The following MYO9A variants were observed in gnomAD, a reference collection of about 807,000 sequenced individuals.
The protein encoded by MYO9A is myosin IXA.
In MYO9A, 103 loss-of-function variants were observed where a neutral mutation model predicts 293.3. That is an observed-to-expected ratio of 0.35 (90% confidence interval 0.30 to 0.41). The LOEUF is 0.41. Among genes scored for constraint, MYO9A ranks in the 10% least tolerant of loss-of-function variants. The pLI is 1.00. For synonymous variants in MYO9A, 1,001 were observed against 1,035.7 expected, an observed-to-expected ratio of 0.97 and a Z score of 0.64; for missense variants, 2,685 against 3,033.0, an observed-to-expected ratio of 0.89 and a Z score of 2.69.
chr15:72,068,897 T>C (rs1304883714), intron 1 of MYO9A, among the ~76,000 whole-genome samples: 1 of 152,148 alleles, frequency 6.6e-6, no homozygotes, highest in Non-Finnish European at 1.5e-5. Flanking sequence ...TTTTAATCAT[T>C]CCATCCTCAT....
At position 71,832,300 on chromosome 15, in the gene MYO9A, G is replaced by A. The variant is rs116277503; in HGVS notation, c.6838-1989C>T. Among the ~76,000 whole-genome samples, 857 of 151,980 alleles carry A rather than the reference G, an allele frequency of 5.6e-3. 12 individuals carry two copies. The highest frequency in any genetic ancestry group is 0.02 in the African/African-American group (811 of 41,442). ...GATCCTATAGAATAAATATTGAAGA[G>A]ATCATGGCAGAGAATTTTTTAAAAG... On this transcript the variant is annotated intron_variant, in intron 39 of 41. Coordinates refer to ENST00000356056, the MANE Select transcript of MYO9A (RefSeq NM_006901.4).
At chr15:71,993,506 AAAT>A in intron 10 of MYO9A, among the ~76,000 whole-genome samples, 1 of 152,224 alleles carries the variant, frequency 6.6e-6, no homozygotes, top group East Asian at 1.9e-4. Context: ...CTATCATTAA[AAAT>A]AATGCAATAA....
chr15:71,969,175 C>T (rs993524399), intron 12 of MYO9A, among the ~76,000 whole-genome samples: 11 of 152,128 alleles, frequency 7.2e-5, no homozygotes, highest in African/African-American at 2.4e-4. Context: ...AAACATCTGG[C>T]AACCGCAGGC....
chr15:71,938,192 T>C (rs1318772680), intron 16 of MYO9A, among the ~76,000 whole-genome samples: 2 of 152,128 alleles, frequency 1.3e-5, no homozygotes, highest in African/African-American at 2.4e-5. Context: ...AAATGATCAA[T>C]GAAGTTATAC....
intron 11 of MYO9A, among the ~76,000 whole-genome samples, chr15:71,983,693 G>A (rs958026015): frequency 6.6e-6 from 1 of 151,054 alleles, no homozygotes; most frequent in African/African-American, 2.4e-5. Flanking sequence ...ATGTTGGCCA[G>A]GCTGGTCTCA....
chr15:72,101,755 C>T (rs2080340342), intron 1 of MYO9A, among the ~76,000 whole-genome samples: 2 of 144,652 alleles, frequency 1.4e-5, no homozygotes, highest in Admixed American at 6.9e-5. Flanking sequence ...TCTGCCCGGC[C>T]GCCCCTACTG....
rs189316417 is a variant in MYO9A at position 72,109,110 on chromosome 15, G to A, written c.-72+8570C>T. Among the ~76,000 whole-genome samples the A allele has an allele frequency of 5.7e-3, 859 of 152,032 alleles. 12 individuals are homozygous for A. The highest frequency in any genetic ancestry group is 0.02 in the African/African-American group (812 of 41,484). On this transcript the variant is annotated intron_variant, in intron 1 of 41. Transcript: ENST00000356056. ...TGCAAAAATATATACAATCACAGCC[G>A]GGCGTGGTGGCTCAGGCCTGTAATC...
intron 1 of MYO9A, among the ~76,000 whole-genome samples, chr15:72,077,755 ATATATATAT>A (rs2079415418): frequency 0.08 from 1,987 of 24,974 alleles, 36 homozygotes; most frequent in South Asian, 0.19. Flanking sequence ...AAAAAAAAAT[ATATATATAT>A]ATATATATAT....
At chr15:72,111,180 A>C (rs1041041567) in intron 1 of MYO9A, among the ~76,000 whole-genome samples, 1 of 148,424 alleles carries the variant, frequency 6.7e-6, no homozygotes, top group African/African-American at 2.5e-5. Context: ...AAAATTATTG[A>C]TTTCACATTT....
At chr15:71,998,458 A>G (rs946419006) in intron 9 of MYO9A, among the ~76,000 whole-genome samples, 1 of 152,156 alleles carries the variant, frequency 6.6e-6, no homozygotes, top group African/African-American at 2.4e-5. Flanking sequence ...TAAATTTTTT[A>G]AAAGAAGAAA....
At position 71,999,887 on chromosome 15, in the gene MYO9A, C is replaced by T. The variant is rs1175554039; in HGVS notation, c.1434G>A (p.Val478=). The T allele has an allele frequency of 6.2e-7, 1 of 1,612,572 alleles. No homozygotes were observed. The highest frequency in any genetic ancestry group is 8.5e-7 in the Non-Finnish European group (1 of 1,179,470). Residue 478 remains valine, a synonymous_variant, in exon 9 of 42, where the codon GTG becomes GTA. Transcript: ENST00000356056. The stretch of plus-strand genomic sequence containing the variant: ...TGTATGGCAAAATAAGCTTTTCTCC[C>T]ACTGTCACCGTCTTCCTTGTAACTA... ...EALVTRKTVT[V]GEKLILPYKL...
intron 12 of MYO9A, among the ~76,000 whole-genome samples, chr15:71,974,605 G>A (rs1234080517): frequency 1.3e-5 from 2 of 152,238 alleles, no homozygotes; most frequent in Middle Eastern, 3.2e-3. Context: ...AAGCAGGGAT[G>A]ATTTCTAAGC....
At chr15:71,977,195 C>A (rs2076164727) in intron 12 of MYO9A, among the ~76,000 whole-genome samples, 1 of 152,208 alleles carries the variant, frequency 6.6e-6, no homozygotes, top group African/African-American at 2.4e-5. Context: ...ACTGCACGAT[C>A]ATGGCAGACA....
chr15:71,886,188 G>A (rs1446996334), intron 27 of MYO9A, among the ~76,000 whole-genome samples: 8 of 89,124 alleles, frequency 9.0e-5, no homozygotes, highest in Non-Finnish European at 2.0e-4. Context: ...ATTATTTAAA[G>A]TAGGGTAAAA....
At chr15:72,093,433 G>A (rs2079979426) in intron 1 of MYO9A, among the ~76,000 whole-genome samples, 1 of 152,106 alleles carries the variant, frequency 6.6e-6, no homozygotes, top group Admixed American at 6.5e-5. Flanking sequence ...CTACTCAAGA[G>A]GCTGAGGCAA....
rs74793309 is a variant in MYO9A at position 71,833,601 on chromosome 15, T to C, written c.6838-3290A>G. Among the ~76,000 whole-genome samples, 365 of 152,204 alleles carry C rather than the reference T, an allele frequency of 2.4e-3. 4 individuals are homozygous for C. The East Asian group carries it at 0.046, about 19-fold the overall frequency. ...TGATATAAGCAATCTAACAGACATA[T>C]ACAGACTTCAGTATCTAACTAGAGA... On this transcript the variant is annotated intron_variant, in intron 39 of 41. Transcript: ENST00000356056.
At chr15:71,997,397 G>C (rs972379361) in intron 9 of MYO9A, among the ~76,000 whole-genome samples, 2 of 152,016 alleles carry the variant, frequency 1.3e-5, no homozygotes, top group Admixed American at 1.3e-4. Context: ...GCAGGAGTTC[G>C]AGATCAGCCT....
At chr15:72,067,545 C>T (rs1235007595) in intron 1 of MYO9A, among the ~76,000 whole-genome samples, 4 of 152,050 alleles carry the variant, frequency 2.6e-5, no homozygotes, top group Non-Finnish European at 1.5e-5. Context: ...CCTCCCAAAA[C>T]GCTAGGATTA....
chr15:71,831,234 C>A (rs1378382223), intron 39 of MYO9A, among the ~76,000 whole-genome samples: 1 of 152,108 alleles, frequency 6.6e-6, no homozygotes, highest in African/African-American at 2.4e-5. Context: ...AAACTATAGC[C>A]CGTGTGGCAA....
Sources: gnomAD v4.1 joint callset for allele counts (sites outside exome capture counted in the v4.1 genomes callset) on GRCh38, gnomAD v4.1.1 for gene constraint, MANE v1.5 for transcripts, NCBI Gene and HGNC (gene_info 2026-07-23, HGNC 2026-07-21) for gene names.